Variants in LRP1B observed in about 807,000 individuals in gnomAD.
The protein encoded by LRP1B is low-density lipoprotein receptor-related protein 1B.
A neutral mutation model predicts 556.6 loss-of-function variants in LRP1B; 217 were observed. That is an observed-to-expected ratio of 0.39 (90% CI 0.35 to 0.44). LRP1B has a LOEUF of 0.44. LRP1B is among the 20% of genes least tolerant of loss of function. The pLI is 1.00. For synonymous variants in LRP1B, 2,047 were observed against 1,865.8 expected, an observed-to-expected ratio of 1.10 and a Z score of -2.50; for missense variants, 5,053 against 5,620.8, an observed-to-expected ratio of 0.90 and a Z score of 3.23.
chr2:141,596,621 C>G (rs77753131), intron 2 of LRP1B, among the ~76,000 whole-genome samples: 7,035 of 152,062 alleles, frequency 0.046, 209 homozygotes, highest in Non-Finnish European at 0.067. Context: ...TAATTACATT[C>G]TAGATTTAAA....
chr2:141,354,777 TA>T (rs766485217), intron 3 of LRP1B, among the ~76,000 whole-genome samples: 45 of 146,812 alleles, frequency 3.1e-4, no homozygotes, highest in African/African-American at 5.7e-4. Context: ...CCTGCAATTA[TA>T]AAAAAAAAAC....
At chr2:141,938,235 A>T (rs895205588) in intron 1 of LRP1B, among the ~76,000 whole-genome samples, 4 of 152,208 alleles carry the variant, frequency 2.6e-5, no homozygotes, top group Admixed American at 1.3e-4. Context: ...AAAGTATACA[A>T]GGAACTCACA....
intron 1 of LRP1B, among the ~76,000 whole-genome samples, chr2:141,883,159 C>A (rs1044763362): frequency 2.6e-5 from 4 of 152,054 alleles, no homozygotes; most frequent in Non-Finnish European, 4.4e-5. Flanking sequence ...GTTAAATGAC[C>A]ATCCCAGCCA....
At chr2:140,763,026 G>C (rs1024479255) in intron 35 of LRP1B, among the ~76,000 whole-genome samples, 5 of 151,962 alleles carry the variant, frequency 3.3e-5, no homozygotes, top group African/African-American at 7.2e-5. Context: ...AAATAAACAG[G>C]TACCAATCTA....
intron 1 of LRP1B, among the ~76,000 whole-genome samples, chr2:142,090,835 G>A (rs1460695029): frequency 3.9e-5 from 6 of 152,040 alleles, no homozygotes; most frequent in Admixed American, 2.0e-4. Context: ...TTACAGTTCA[G>A]TTATGTGCAA....
At chr2:140,337,904 T>C (rs964165330) in intron 77 of LRP1B, among the ~76,000 whole-genome samples, 1 of 151,742 alleles carries the variant, frequency 6.6e-6, no homozygotes, top group Non-Finnish European at 1.5e-5. Context: ...CCTAGACTGA[T>C]GCCAATTAAT....
chr2:142,016,907 T>C (rs900802028), intron 1 of LRP1B, among the ~76,000 whole-genome samples: 9 of 149,680 alleles, frequency 6.0e-5, no homozygotes, highest in Admixed American at 2.7e-4. Flanking sequence ...CACACACATA[T>C]ATGTATATAT....
chr2:140,861,095 A>G (rs1318212917), intron 27 of LRP1B, among the ~76,000 whole-genome samples: 8 of 152,092 alleles, frequency 5.3e-5, no homozygotes, highest in African/African-American at 9.7e-5. Context: ...CTTGCCAGGT[A>G]TCTTCTAACT....
intron 2 of LRP1B, among the ~76,000 whole-genome samples, chr2:141,611,929 C>T (rs1688121542): frequency 1.3e-5 from 2 of 152,136 alleles, no homozygotes; most frequent in South Asian, 4.1e-4. Flanking sequence ...TGGTAAGCTT[C>T]TGGATAATTA....
chr2:142,071,256 G>A (rs1427614933), intron 1 of LRP1B, among the ~76,000 whole-genome samples: 1 of 151,760 alleles, frequency 6.6e-6, no homozygotes, highest in Non-Finnish European at 1.5e-5. Context: ...CAAAAGTCAG[G>A]GCTAATTAAC....
chr2:141,916,513 C>T (rs796084191), intron 1 of LRP1B, among the ~76,000 whole-genome samples: 18 of 151,004 alleles, frequency 1.2e-4, no homozygotes, highest in Non-Finnish European at 2.2e-4. Context: ...TGCAGGCACC[C>T]GCCACCATGC....
At chr2:142,124,046 TTTTAA>T (rs1559084433) in intron 1 of LRP1B, among the ~76,000 whole-genome samples, 1 of 151,846 alleles carries the variant, frequency 6.6e-6, no homozygotes, top group African/African-American at 2.4e-5. Flanking sequence ...TTTTTTTTAA[TTTTAA>T]TTTTAGATTT....
rs1474514109 is a variant in LRP1B at position 141,876,708 on chromosome 2, A to C, written c.83-66307T>G. 2.6e-5 allele frequency among the ~76,000 whole-genome samples: 4 copies of C among 152,044 alleles called. No homozygotes were observed. In the East Asian group the frequency reaches 5.8e-4, roughly 22 times the overall value. Reference sequence around the variant, plus strand: ...TAGGAGAATATGATAAATGAACAATAAGGTTGTTAGTGTGATATATAAGCA... The same window carrying C: ...TAGGAGAATATGATAAATGAACAATCAGGTTGTTAGTGTGATATATAAGCA... On this transcript the variant is annotated intron_variant, in intron 1 of 90. Transcript: ENST00000389484.
At chr2:140,483,634 ATATATAT>A (rs1173441880) in intron 59 of LRP1B, among the ~76,000 whole-genome samples, 10 of 59,668 alleles carry the variant, frequency 1.7e-4, no homozygotes, top group Admixed American at 5.1e-4. Context: ...ATATATATAT[ATATATAT>A]TTTTTTTTTT....
At chr2:141,236,812 C>T (rs750903429) in intron 5 of LRP1B, among the ~76,000 whole-genome samples, 1 of 152,072 alleles carries the variant, frequency 6.6e-6, no homozygotes, top group Non-Finnish European at 1.5e-5. Flanking sequence ...CCATATGTGG[C>T]AATGTTCTTA....
At chr2:140,289,124 A>G (rs1683274100) in intron 84 of LRP1B, among the ~76,000 whole-genome samples, 1 of 152,014 alleles carries the variant, frequency 6.6e-6, no homozygotes, top group Non-Finnish European at 1.5e-5. Flanking sequence ...ATAATTACTA[A>G]TATTTCAAGG....
intron 1 of LRP1B, among the ~76,000 whole-genome samples, chr2:141,974,813 G>A (rs989979273): frequency 3.3e-5 from 5 of 152,030 alleles, no homozygotes; most frequent in African/African-American, 1.2e-4. Context: ...ATTAAGCCCT[G>A]GCTATTAATG....
intron 77 of LRP1B, among the ~76,000 whole-genome samples, chr2:140,337,680 C>T (rs1681167114): frequency 1.3e-5 from 2 of 151,798 alleles, no homozygotes; most frequent in African/African-American, 4.8e-5. Context: ...TGACATAAAA[C>T]TTATAATGCC....
At chr2:141,596,358 T>A (rs2105301759) in intron 2 of LRP1B, among the ~76,000 whole-genome samples, 1 of 152,174 alleles carries the variant, frequency 6.6e-6, no homozygotes, top group Admixed American at 6.5e-5. Context: ...GGGAAAATAC[T>A]GCTTTTTCTA....
Sources: gnomAD v4.1 joint callset for allele counts (sites outside exome capture counted in the v4.1 genomes callset) on GRCh38, gnomAD v4.1.1 for gene constraint, MANE v1.5 for transcripts, NCBI Gene and HGNC (gene_info 2026-07-23, HGNC 2026-07-21) for gene names.